CAPN11: variants seen among roughly 807,000 people sequenced by gnomAD.
The protein encoded by CAPN11 is calpain 11.
In CAPN11, 108 loss-of-function variants were observed where a neutral mutation model predicts 105.3. The observed-to-expected ratio is 1.03, with a 90% CI of 0.88 to 1.20. CAPN11 has a LOEUF of 1.20. Ranked by LOEUF, CAPN11 falls within the 50% of genes most tolerant of loss-of-function variation. CAPN11 has a pLI of 0.00. For missense variants in CAPN11, 883 were observed against 924.8 expected (o/e 0.95, Z 0.59); for synonymous variants, 329 against 344.5 (o/e 0.96, Z 0.50).
At chr6:44,158,976 G>A (rs1452026851) in intron 1 of CAPN11, 112 bp downstream of exon 1, 23 of 614,312 alleles carry the variant, frequency 3.7e-5, no homozygotes, top group African/African-American at 1.6e-4. Context: ...AGGGTACAGA[G>A]AGTGACTCTT....
intron 2 of CAPN11, among the ~76,000 whole-genome samples, chr6:44,167,113 C>T (rs1444784691): frequency 6.6e-6 from 1 of 152,124 alleles, no homozygotes; most frequent in African/African-American, 2.4e-5. Flanking sequence ...CCAGTGCCAC[C>T]TGCTCAGCCA....
chr6:44,163,210 G>A (rs1412721795), intron 1 of CAPN11, among the ~76,000 whole-genome samples: 1 of 152,182 alleles, frequency 6.6e-6, no homozygotes, highest in Non-Finnish European at 1.5e-5. Context: ...CAAACAACTT[G>A]CCCAAGGTCA....
In CAPN11 at chr6:44,176,066, A is replaced by C. The variant is rs1771949110; in HGVS notation, c.832-2A>C. On this transcript the variant is annotated splice_acceptor_variant, in intron 7 of 22. Coordinates refer to ENST00000398776, the MANE Select transcript of CAPN11 (RefSeq NM_007058.4). LOFTEE classifies it high-confidence loss of function. ...TGCTCTCCCTCCCTCTCTGTTCTGT[A>C]GGTCACCAGTGATAGTGAACTGGAA... 1 of 1,605,870 alleles carries C rather than the reference A, an allele frequency of 6.2e-7. No homozygotes were observed. The highest frequency in any genetic ancestry group is 2.2e-5 in the East Asian group (1 of 44,774).
At chr6:44,173,437 C>A in intron 7 of CAPN11, 51 bp downstream of exon 7, 1 of 1,240,478 alleles carries the variant, frequency 8.1e-7, no homozygotes, top group Non-Finnish European at 1.1e-6. Flanking sequence ...CTGTTGCTGT[C>A]ACCCAAAAGG....
intron 12 of CAPN11, among the ~76,000 whole-genome samples, chr6:44,178,449 G>C (rs1431917137): frequency 6.6e-6 from 1 of 152,122 alleles, no homozygotes; most frequent in Non-Finnish European, 1.5e-5. Context: ...AAAGAATGTT[G>C]TTCATTCACT....
At chr6:44,182,166 T>A (rs1470170512) in intron 19 of CAPN11, among the ~76,000 whole-genome samples, 67 of 1,854 alleles carry the variant, frequency 0.036, 5 homozygotes, top group South Asian at 0.12. Context: ...CACACCACAC[T>A]CACACACACA....
In CAPN11 at chr6:44,183,911, G is replaced by T; in HGVS notation, c.2199G>T (p.Leu733=). ...TCTGCTTCCTGTCTCCACAGTGGCT[G>T]CAGATGACCATGTGGGGATAGAGGC... ...GHICLSLEQW[L]QMTMWG is the part of the protein sequence containing the mutation. The change falls in exon 23 of 23, where the codon CTG becomes CTT. Residue 733 remains leucine (L), a synonymous_variant. Coordinates refer to ENST00000398776, the MANE Select transcript of CAPN11 (RefSeq NM_007058.4). 1 of 1,558,220 alleles carries T rather than the reference G, an allele frequency of 6.4e-7. No individual in the cohort carries two copies.
In CAPN11 at chr6:44,180,144, G is replaced by A. The variant is rs181079254; in HGVS notation, c.1621G>A (p.Glu541Lys). 1.2e-6 allele frequency: 2 copies of A among 1,611,360 alleles called. No homozygotes were observed. Among genetic ancestry groups the A allele is most frequent in the Non-Finnish European group, 1.7e-6 (2 of 1,178,518 alleles). Residue 541 changes from glutamate (E) to lysine (K), a missense_variant, in exon 14 of 23, where the codon GAG (glutamate) becomes AAG (lysine). Glu to Lys is a moderately conservative substitution (Grantham distance 56, BLOSUM62 1). Coordinates refer to ENST00000398776, the MANE Select transcript of CAPN11 (RefSeq NM_007058.4). ...DADFLLRVFT[E>K]KHSESWELDE... is the part of the protein sequence containing the mutation. ...TGACTTCCTGCTTCGGGTCTTCACC[G>A]AGAAGCACAGCGAGTCATGGTAAGG...
intron 15 of CAPN11, 43 bp from the exon 16 acceptor site, chr6:44,180,551 AAAG>A (rs2128312968): frequency 1.9e-6 from 3 of 1,613,748 alleles, no homozygotes; most frequent in Non-Finnish European, 2.5e-6. Flanking sequence ...TGGGCCTGTG[AAAG>A]AAGTTTTCTG....
At chr6:44,172,187 G>A (rs542161155) in intron 4 of CAPN11, 115 bp from the exon 5 acceptor site, 13 of 602,582 alleles carry the variant, frequency 2.2e-5, no homozygotes, top group Admixed American at 2.0e-4. Context: ...TCTCCGCCGG[G>A]GGGGTGAGAA....
chr6:44,180,898 C>G, intron 17 of CAPN11, 35 bp from the exon 18 acceptor site: 1 of 1,610,204 alleles, frequency 6.2e-7, no homozygotes, highest in Non-Finnish European at 8.5e-7. Flanking sequence ...CTCATTTACC[C>G]TGTCTCTCCT....
At chr6:44,177,808 C>T (rs530279701) in intron 12 of CAPN11, among the ~76,000 whole-genome samples, 25 of 152,172 alleles carry the variant, frequency 1.6e-4, no homozygotes, top group African/African-American at 5.5e-4. Context: ...CTCCTTTCTC[C>T]CCAGGGCCAC....
At chr6:44,182,765 G>A (rs1315934190) in intron 19 of CAPN11, among the ~76,000 whole-genome samples, 176 bp from the exon 20 acceptor site, 1 of 152,010 alleles carries the variant, frequency 6.6e-6, no homozygotes, top group Non-Finnish European at 1.5e-5. Flanking sequence ...TTAGAGACGG[G>A]GTTTCGTCAT....
intron 9 of CAPN11, 37 bp downstream of exon 9, chr6:44,176,375 G>A (rs1323171124): frequency 6.3e-7 from 1 of 1,576,982 alleles, no homozygotes; most frequent in East Asian, 2.2e-5. Flanking sequence ...GTGGTCGGAG[G>A]ATACAGCAGG....
chr6:44,182,126 CACACAT>C (rs1773746434), intron 19 of CAPN11, among the ~76,000 whole-genome samples: 1 of 21,990 alleles, frequency 4.5e-5, no homozygotes, highest in Non-Finnish European at 9.3e-5. Flanking sequence ...CACACACACA[CACACAT>C]ACACACTCAC....
At chr6:44,179,672 C>A (rs1343177219) in intron 13 of CAPN11, 42 bp downstream of exon 13, 1 of 1,599,420 alleles carries the variant, frequency 6.3e-7, no homozygotes, top group Non-Finnish European at 8.6e-7. Context: ...TGGACACATA[C>A]CCACTCCACC....
intron 5 of CAPN11, 109 bp from the exon 6 acceptor site, chr6:44,172,831 T>G: frequency 1.6e-6 from 2 of 1,257,872 alleles, no homozygotes; most frequent in Non-Finnish European, 2.2e-6. Flanking sequence ...CTCTATTCAG[T>G]GATTCTGGAG....
intron 2 of CAPN11, among the ~76,000 whole-genome samples, chr6:44,168,774 C>G (rs139142086): frequency 1.3e-5 from 2 of 151,916 alleles, no homozygotes; most frequent in South Asian, 2.1e-4. Context: ...ATCTTGCCCC[C>G]ACACCCGGCT....
chr6:44,176,414 A>G, intron 9 of CAPN11, 76 bp downstream of exon 9: 1 of 1,383,850 alleles, frequency 7.2e-7, no homozygotes, highest in Middle Eastern at 1.8e-4. Context: ...CTGGTGTCCC[A>G]TCTAGGAGAA....
Sources: gnomAD v4.1 joint callset for allele counts (sites outside exome capture counted in the v4.1 genomes callset) on GRCh38, gnomAD v4.1.1 for gene constraint, MANE v1.5 for transcripts, NCBI Gene and HGNC (gene_info 2026-07-23, HGNC 2026-07-21) for gene names.